CTNNA2: variants seen among roughly 807,000 people sequenced by gnomAD.
The protein encoded by CTNNA2 is catenin alpha 2, also known as catenin alpha-2.
In CTNNA2, 42 loss-of-function variants were observed where a neutral mutation model predicts 101.0. The observed-to-expected ratio is 0.42, with a 90% CI of 0.32 to 0.54. CTNNA2 has a LOEUF of 0.54. Ranked by LOEUF, CTNNA2 falls within the 20% of genes least tolerant of loss-of-function variation. The pLI is 0.14. For missense variants in CTNNA2, 871 were observed against 1,223.1 expected (o/e 0.71, Z 4.29); for synonymous variants, 450 against 456.4 (o/e 0.99, Z 0.18).
In CTNNA2 at chr2:79,952,056, C is replaced by T. The variant is rs182877942; in HGVS notation, c.1056+42259C>T. Among the ~76,000 whole-genome samples the T allele has an allele frequency of 9.8e-5, 15 of 152,296 alleles. No homozygotes were observed. In the East Asian group the frequency reaches 2.9e-3, roughly 29 times the overall value. ...ATTCTTTGCTCTTGCTGCCTGCCAC[C>T]TCCATCCAAATCCAAGTTCTCTCCC... On this transcript the variant is annotated intron_variant, in intron 7 of 18. Coordinates refer to ENST00000402739, the MANE Select transcript of CTNNA2 (RefSeq NM_001282597.3).
At chr2:79,848,370 T>A (rs1680406336) in intron 3 of CTNNA2, among the ~76,000 whole-genome samples, 1 of 152,222 alleles carries the variant, frequency 6.6e-6, no homozygotes, top group Non-Finnish European at 1.5e-5. Context: ...TAACGTTTCC[T>A]AATTTATGGT....
chr2:80,445,201 A>G (rs1373727507), intron 9 of CTNNA2, among the ~76,000 whole-genome samples: 2 of 151,560 alleles, frequency 1.3e-5, no homozygotes, highest in Non-Finnish European at 2.9e-5. Context: ...TATTTTTTTG[A>G]GACAGAGTGC....
intron 7 of CTNNA2, among the ~76,000 whole-genome samples, chr2:80,082,985 T>TA (rs1258445455): frequency 6.6e-6 from 1 of 152,114 alleles, no homozygotes; most frequent in Non-Finnish European, 1.5e-5. Flanking sequence ...CCCTATCTTA[T>TA]AAAAAAGCAG....
At chr2:80,258,548 A>C (rs1672350080) in intron 7 of CTNNA2, among the ~76,000 whole-genome samples, 1 of 152,166 alleles carries the variant, frequency 6.6e-6, no homozygotes, top group Admixed American at 6.5e-5. Context: ...CGAGACATAT[A>C]GTCAAGCTAG....
chr2:80,579,502 T>C (rs1428027800), intron 13 of CTNNA2: 1 of 152,164 alleles, frequency 6.6e-6, no homozygotes, highest in Non-Finnish European at 1.5e-5. Flanking sequence ...GAGGGAGAAA[T>C]GATCAGAGAA....
chr2:79,282,082 C>A (rs1404555815), intron 2 of CTNNA2, among the ~76,000 whole-genome samples: 1 of 152,012 alleles, frequency 6.6e-6, no homozygotes, highest in East Asian at 1.9e-4. Flanking sequence ...CTTCAAGATA[C>A]CTTTACATGA....
intron 1 of CTNNA2, among the ~76,000 whole-genome samples, chr2:79,189,276 C>A (rs1673821652): frequency 6.6e-6 from 1 of 152,188 alleles, no homozygotes; most frequent in East Asian, 1.9e-4. Flanking sequence ...TTTGTCCTTT[C>A]TTTTTATTCT....
intron 1 of CTNNA2, among the ~76,000 whole-genome samples, chr2:79,521,780 A>T (rs1672133617): frequency 6.6e-6 from 1 of 152,148 alleles, no homozygotes; most frequent in African/African-American, 2.4e-5. Context: ...TTATTGTGGG[A>T]GAGTGTATGC....
intron 18 of CTNNA2, among the ~76,000 whole-genome samples, chr2:80,630,839 T>G (rs76707977): frequency 0.026 from 3,928 of 152,222 alleles, 168 homozygotes; most frequent in African/African-American, 0.089. Context: ...GATGAGTAAC[T>G]CTGCCATGTT....
chr2:80,243,860 C>G (rs879368787), intron 7 of CTNNA2, among the ~76,000 whole-genome samples: 1 of 152,076 alleles, frequency 6.6e-6, no homozygotes, highest in African/African-American at 2.4e-5. Flanking sequence ...ACAACCAAAC[C>G]CTTTTCCAAA....
chr2:79,869,165 G>A (rs769396965), intron 4 of CTNNA2, among the ~76,000 whole-genome samples: 2 of 152,206 alleles, frequency 1.3e-5, no homozygotes, highest in Non-Finnish European at 2.9e-5. Context: ...CGATTTGGAA[G>A]CATGGCACAT....
intron 6 of CTNNA2, among the ~76,000 whole-genome samples, chr2:79,908,456 G>T (rs1200694730): frequency 6.6e-6 from 1 of 152,044 alleles, no homozygotes; most frequent in Admixed American, 6.5e-5. Flanking sequence ...CCCCAATGAA[G>T]CACACCATTT....
chr2:80,180,101 C>A lies in CTNNA2; in HGVS notation c.1057-213110C>A, dbSNP rs143029806. ...AGTCCCCGAAAGTTCTGATCATTTC[C>A]CTTTCCCCAGTGCACAGTTACCCTG... On this transcript the variant is annotated intron_variant, in intron 7 of 18. Coordinates refer to ENST00000402739, the MANE Select transcript of CTNNA2 (RefSeq NM_001282597.3). Among the ~76,000 whole-genome samples, 11 of 152,290 alleles carry A rather than the reference C, an allele frequency of 7.2e-5. No homozygotes were observed. In the East Asian group the frequency reaches 1.9e-3, roughly 27 times the overall value.
intron 4 of CTNNA2, among the ~76,000 whole-genome samples, chr2:79,456,794 G>A (rs1670826423): frequency 6.6e-6 from 1 of 152,150 alleles, no homozygotes; most frequent in Non-Finnish European, 1.5e-5. Flanking sequence ...TCAGAACAGA[G>A]CAATTTCATG....
intron 7 of CTNNA2, among the ~76,000 whole-genome samples, chr2:79,996,813 T>C (rs1692576406): frequency 1.3e-5 from 2 of 152,112 alleles, no homozygotes; most frequent in East Asian, 1.9e-4. Flanking sequence ...TGGGGAGCGA[T>C]AGGAAACCTG....
At chr2:80,180,342 A>G (rs544693571) in intron 7 of CTNNA2, among the ~76,000 whole-genome samples, 1 of 152,348 alleles carries the variant, frequency 6.6e-6, no homozygotes, top group East Asian at 1.9e-4. Flanking sequence ...TCGACCTGGC[A>G]GTTTTCTGCC....
At chr2:80,180,059 C>A (rs1573317218) in intron 7 of CTNNA2, among the ~76,000 whole-genome samples, 1 of 152,300 alleles carries the variant, frequency 6.6e-6, no homozygotes, top group Non-Finnish European at 1.5e-5. Flanking sequence ...AACATCAGCT[C>A]AAAGCCAGGG....
At chr2:80,306,446 T>C (rs1344670553) in intron 7 of CTNNA2, among the ~76,000 whole-genome samples, 15 of 138,128 alleles carry the variant, frequency 1.1e-4, no homozygotes, top group African/African-American at 2.8e-4. Context: ...CTTTCTTTCT[T>C]TCTTTCTCTC....
chr2:79,883,186 G>T (rs905658111), intron 6 of CTNNA2, among the ~76,000 whole-genome samples: 1 of 152,192 alleles, frequency 6.6e-6, no homozygotes, highest in Non-Finnish European at 1.5e-5. Flanking sequence ...TAATAGTCAC[G>T]AGTGTGTCAA....
Sources: gnomAD v4.1 joint callset for allele counts (sites outside exome capture counted in the v4.1 genomes callset) on GRCh38, gnomAD v4.1.1 for gene constraint, MANE v1.5 for transcripts, NCBI Gene and HGNC (gene_info 2026-07-23, HGNC 2026-07-21) for gene names.